Variants in CDADC1 observed in about 807,000 individuals in gnomAD.
CDADC1 encodes the protein dCTP deaminase.
CDADC1 carries 39 observed loss-of-function variants against 54.9 expected under a neutral mutation model. That is an observed-to-expected ratio of 0.71 (90% CI 0.55 to 0.93). CDADC1 has a LOEUF of 0.93. Ranked by LOEUF, CDADC1 falls within the 40% of genes least tolerant of loss-of-function variation. The pLI is 0.00. For synonymous variants in CDADC1, 186 were observed against 204.0 expected, an observed-to-expected ratio of 0.91 and a Z score of 0.75; for missense variants, 518 against 618.8, an observed-to-expected ratio of 0.84 and a Z score of 1.73.
At chr13:49,250,431 G>T (rs888931804) in intron 2 of CDADC1, among the ~76,000 whole-genome samples, 1 of 152,182 alleles carries the variant, frequency 6.6e-6, no homozygotes, top group African/African-American at 2.4e-5. Flanking sequence ...AGAGATGTTG[G>T]CAAGACTGGG....
chr13:49,282,236 G>GTTTTTTTTTTTTTT (rs759792512), intron 8 of CDADC1, among the ~76,000 whole-genome samples: 1 of 94,146 alleles, frequency 1.1e-5, no homozygotes, highest in African/African-American at 4.1e-5. Context: ...GTTTTTGTGG[G>GTTTTTTTTTTTTTT]TTTTTTTTTT....
chr13:49,265,647 G>A (rs939825694), intron 4 of CDADC1, among the ~76,000 whole-genome samples: 4 of 151,916 alleles, frequency 2.6e-5, no homozygotes, highest in South Asian at 2.1e-4. Context: ...ATGTATAACA[G>A]ATTATTGTTA....
At chr13:49,259,095 A>G (rs557394020) in intron 3 of CDADC1, among the ~76,000 whole-genome samples, 1 of 152,338 alleles carries the variant, frequency 6.6e-6, no homozygotes, top group East Asian at 1.9e-4. Flanking sequence ...ATCTTTCACT[A>G]GAACAAATTA....
chr13:49,250,597 G>A (rs141861558), intron 2 of CDADC1, among the ~76,000 whole-genome samples: 187 of 152,334 alleles, frequency 1.2e-3, no homozygotes, highest in African/African-American at 4.4e-3. Flanking sequence ...AGGCCAGAAA[G>A]TGAAGTTAGG....
chr13:49,269,143 G>A (rs1317853672), intron 5 of CDADC1, among the ~76,000 whole-genome samples: 2 of 152,174 alleles, frequency 1.3e-5, no homozygotes, highest in Middle Eastern at 3.2e-3. Context: ...CAAGAAAGAA[G>A]AGAAAGTCAT....
intron 8 of CDADC1, among the ~76,000 whole-genome samples, chr13:49,281,966 A>G (rs1365723446): frequency 9.0e-6 from 1 of 111,188 alleles, no homozygotes; most frequent in Non-Finnish European, 1.7e-5. Flanking sequence ...GGCGCACGCC[A>G]CCATGCCCAG....
chr13:49,292,409 G>T lies in CDADC1; in HGVS notation c.*652G>T, dbSNP rs1009397773. ...AGTGTTATTCTGAGACAGTGTCGCT[G>T]CTTGATATCACTGACTCTTGAAATC... On this transcript the variant is annotated 3_prime_UTR_variant, in exon 10 of 10. Transcript: ENST00000251108. 2 of 995,736 alleles carry T rather than the reference G, an allele frequency of 2.0e-6. No individual in the cohort carries two copies. Among genetic ancestry groups the T allele is most frequent in the African/African-American group, 1.7e-5 (1 of 57,326 alleles). The allele number at this position is 995,736 out of a possible 1,614,324, so 61.7% of individuals were successfully genotyped here. A position where few individuals can be genotyped will look rare whatever the true frequency, so the allele number is the denominator to read the frequency against.
In CDADC1 at chr13:49,291,985, A is replaced by G; in HGVS notation, c.*228A>G. ...GTAGTGTGTTATTTTATTACACGAA[A>G]TGAGGGAGCAATAACTTCAACCAAT... On this transcript the variant is annotated 3_prime_UTR_variant, in exon 10 of 10. Coordinates refer to ENST00000251108, the MANE Select transcript of CDADC1 (RefSeq NM_030911.4). The G allele has an allele frequency of 7.9e-7, 1 of 1,265,302 alleles. No individual in the cohort carries two copies. Among genetic ancestry groups the G allele is most frequent in the Non-Finnish European group, 1.0e-6 (1 of 1,001,168 alleles). 78.4% of individuals were successfully genotyped at this position (1,265,302 alleles called of 1,614,324 possible).
In CDADC1 at chr13:49,279,728, T is replaced by C. The variant is rs78082082; in HGVS notation, c.1221-781T>C. Among the ~76,000 whole-genome samples, 297 of 152,304 alleles carry C rather than the reference T, an allele frequency of 2.0e-3. 1 individual carries two copies. The highest frequency in any genetic ancestry group is 6.9e-3 in the African/African-American group (286 of 41,568). On this transcript the variant is annotated intron_variant, in intron 7 of 9. Coordinates refer to ENST00000251108, the MANE Select transcript of CDADC1 (RefSeq NM_030911.4). ...ACAGTCTCAACAAGGAAGATGGATG[T>C]GGAAGGCTGGCGGTGGAGGAATTGA...
Position 49,255,897 on chromosome 13 carries a change from C to T in CDADC1, c.236C>T (p.Ser79Phe). Residue 79 changes from serine (S) to phenylalanine (F), a missense_variant, in exon 3 of 10, where the codon TCT becomes TTT. Ser to Phe is a radical substitution (Grantham distance 155, BLOSUM62 -2). Transcript: ENST00000251108. The part of the protein sequence containing the change: ...LGDNEERTRV[S>F]TDKRQVKRTG... ...GATAATGAAGAGAGGACCAGAGTAT[C>T]TACTGACAAAAGACAGGTAAATTTT... The T allele has an allele frequency of 3.1e-6, 5 of 1,611,054 alleles. No homozygotes were observed. Among genetic ancestry groups the T allele is most frequent in the South Asian group, 1.1e-5 (1 of 90,164 alleles).
chr13:49,287,655 A>G (rs1264187350), intron 9 of CDADC1, among the ~76,000 whole-genome samples: 1 of 152,158 alleles, frequency 6.6e-6, no homozygotes, highest in East Asian at 1.9e-4. Context: ...TCTATGCTAC[A>G]ATGAAGAATA....
intron 3 of CDADC1, among the ~76,000 whole-genome samples, chr13:49,258,977 C>A (rs1049331724): frequency 6.6e-6 from 1 of 152,176 alleles, no homozygotes; most frequent in Non-Finnish European, 1.5e-5. Flanking sequence ...GCTTTATATT[C>A]TTTATTACCA....
intron 2 of CDADC1, among the ~76,000 whole-genome samples, chr13:49,253,054 A>C (rs775701746): frequency 6.6e-6 from 1 of 152,212 alleles, no homozygotes; most frequent in Non-Finnish European, 1.5e-5. Flanking sequence ...GTCTTCTTTA[A>C]GCTAAAGTAA....
chr13:49,251,224 A>G (rs9535173), intron 2 of CDADC1, among the ~76,000 whole-genome samples: 44,949 of 151,756 alleles, frequency 0.3, 6,781 homozygotes, highest in East Asian at 0.5. Context: ...CTTGGCCAAC[A>G]TGGTGAAACC....
chr13:49,284,756 C>G (rs1743312767), intron 8 of CDADC1, among the ~76,000 whole-genome samples: 1 of 152,278 alleles, frequency 6.6e-6, no homozygotes. Context: ...TGTCCTGTAT[C>G]TCATCCCCCC....
chr13:49,275,785 A>G (rs1366053998), intron 6 of CDADC1, among the ~76,000 whole-genome samples: 1 of 84,248 alleles, frequency 1.2e-5, no homozygotes, highest in South Asian at 4.5e-4. Flanking sequence ...AGAGAGAGAG[A>G]GAGAGAGAGA....
At chr13:49,279,248 T>C (rs988725761) in intron 7 of CDADC1, among the ~76,000 whole-genome samples, 2 of 152,180 alleles carry the variant, frequency 1.3e-5, no homozygotes, top group African/African-American at 4.8e-5. Context: ...GGCATCCACC[T>C]CGTGCTGTGG....
chr13:49,259,638 C>T (rs4942809), intron 4 of CDADC1, 115 bp downstream of exon 4: 283,221 of 951,260 alleles, frequency 0.3, 43,537 homozygotes, highest in East Asian at 0.49. Context: ...ATCGCCTGAG[C>T]CCAGGAGTTC....
intron 5 of CDADC1, among the ~76,000 whole-genome samples, chr13:49,273,843 A>T (rs946267586): frequency 2.6e-5 from 4 of 152,276 alleles, no homozygotes; most frequent in African/African-American, 7.2e-5. Context: ...TGATTAGAGT[A>T]TAAATAATGC....
Sources: gnomAD v4.1 joint callset for allele counts (sites outside exome capture counted in the v4.1 genomes callset) on GRCh38, gnomAD v4.1.1 for gene constraint, MANE v1.5 for transcripts, NCBI Gene and HGNC (gene_info 2026-07-23, HGNC 2026-07-21) for gene names.